The following LRP2 variants were observed in gnomAD, a reference collection of about 807,000 sequenced individuals.
The protein encoded by LRP2 is low-density lipoprotein receptor-related protein 2.
Under a neutral mutation model 531.0 loss-of-function variants are expected in LRP2, and 172 were observed. The observed-to-expected ratio is 0.32, with a 90% CI of 0.29 to 0.37. The LOEUF is 0.37. Among genes scored for constraint, LRP2 ranks in the 10% least tolerant of loss-of-function variants. LRP2 has a pLI of 1.00. For synonymous variants in LRP2, 1,992 were observed against 2,027.6 expected (o/e 0.98, Z 0.47); for missense variants, 5,167 against 5,868.3 (o/e 0.88, Z 3.90).
intron 65 of LRP2, among the ~76,000 whole-genome samples, chr2:169,155,038 A>G (rs550040084): frequency 6.6e-6 from 1 of 152,284 alleles, no homozygotes; most frequent in East Asian, 1.9e-4. Context: ...CTGTTTCCTG[A>G]CAGATTTTAT....
intron 1 of LRP2, among the ~76,000 whole-genome samples, chr2:169,354,382 A>T (rs1355108606): frequency 2.6e-5 from 4 of 152,230 alleles, no homozygotes; most frequent in Non-Finnish European, 5.9e-5. Context: ...CAAGATCTGG[A>T]CAATAAATGC....
At chr2:169,291,991 C>A (rs1370027038) in intron 7 of LRP2, among the ~76,000 whole-genome samples, 1 of 152,156 alleles carries the variant, frequency 6.6e-6, no homozygotes, top group African/African-American at 2.4e-5. Flanking sequence ...GAGACAGAGA[C>A]TGTCCTACCT....
At chr2:169,345,128 A>C (rs1685663812) in intron 1 of LRP2, among the ~76,000 whole-genome samples, 1 of 152,200 alleles carries the variant, frequency 6.6e-6, no homozygotes, top group South Asian at 2.1e-4. Flanking sequence ...TCTTCTTTGA[A>C]AACATCAACT....
intron 68 of LRP2, among the ~76,000 whole-genome samples, chr2:169,150,178 G>A (rs984723360): frequency 2.6e-5 from 4 of 152,124 alleles, no homozygotes; most frequent in African/African-American, 9.7e-5. Context: ...CAGCTCATAG[G>A]GTTCTACCTA....
intron 1 of LRP2, among the ~76,000 whole-genome samples, chr2:169,333,819 A>G (rs1345270957): frequency 6.6e-6 from 1 of 152,216 alleles, no homozygotes; most frequent in Non-Finnish European, 1.5e-5. Flanking sequence ...TCTTTGCACC[A>G]GGAGTCCTTT....
chr2:169,335,552 T>A (rs1008809025), intron 1 of LRP2, among the ~76,000 whole-genome samples: 20 of 152,160 alleles, frequency 1.3e-4, no homozygotes, highest in Admixed American at 2.6e-4. Context: ...CAGTAGCCCA[T>A]GCCTGTAACC....
intron 10 of LRP2, 99 bp from the exon 11 acceptor site, chr2:169,280,618 T>C: frequency 1.7e-6 from 2 of 1,187,616 alleles, no homozygotes; most frequent in African/African-American, 1.5e-5. Flanking sequence ...AAATGCTATC[T>C]TCTAGGTTGT....
chr2:169,359,704 T>C (rs1406595328), intron 1 of LRP2, among the ~76,000 whole-genome samples: 1 of 152,138 alleles, frequency 6.6e-6, no homozygotes, highest in Non-Finnish European at 1.5e-5. Context: ...GAGGAGAGAT[T>C]CTGGAAAAAG....
At chr2:169,226,647 G>C in intron 31 of LRP2, 59 bp from the exon 32 acceptor site, 1 of 1,308,388 alleles carries the variant, frequency 7.6e-7, no homozygotes, top group South Asian at 1.2e-5. Flanking sequence ...GACATTTAGA[G>C]TAATGGAAGG....
chr2:169,300,279 C>G (rs890341178), intron 4 of LRP2, among the ~76,000 whole-genome samples: 1 of 151,824 alleles, frequency 6.6e-6, no homozygotes, highest in Admixed American at 6.6e-5. Flanking sequence ...AAAAATAGAG[C>G]TGGGTAAAAG....
chr2:169,313,603 C>T (rs970367135), intron 3 of LRP2, among the ~76,000 whole-genome samples: 4 of 152,138 alleles, frequency 2.6e-5, no homozygotes, highest in Non-Finnish European at 4.4e-5. Context: ...TGGCCGTATC[C>T]GGTGTCAGTC....
chr2:169,226,581 T>A lies in LRP2; in HGVS notation c.5235A>T (p.Gln1745His). 2.5e-6 allele frequency: 4 copies of A among 1,610,148 alleles called. No homozygotes were observed. Among genetic ancestry groups the A allele is most frequent in the Non-Finnish European group, 3.4e-6 (4 of 1,176,774 alleles). Residue 1745 changes from glutamine to histidine, a missense_variant, in exon 32 of 79, where the codon CAA (glutamine) becomes CAT (histidine). Transcript: ENST00000649046. Reference sequence around the variant, plus strand: ...GTTGCCTTACAGTTATTAAGAAAGGTTGATCATCTGTGAAAATAGAAGAAT... The same window carrying A: ...GTTGCCTTACAGTTATTAAGAAAGGATGATCATCTGTGAAAATAGAAGAAT... ...PDLLNCLRDDQPFLITVRQHI... is the reference protein window; with the variant it reads ...PDLLNCLRDDHPFLITVRQHI...
At chr2:169,276,528 C>T (rs1399368703) in intron 13 of LRP2, among the ~76,000 whole-genome samples, 2 of 151,986 alleles carry the variant, frequency 1.3e-5, no homozygotes, top group African/African-American at 2.4e-5. Flanking sequence ...TATTCATATT[C>T]TCCTTATGGA....
At chr2:169,341,345 A>G (rs72880453) in intron 1 of LRP2, among the ~76,000 whole-genome samples, 1,681 of 152,232 alleles carry the variant, frequency 0.011, 14 homozygotes, top group South Asian at 0.022. Context: ...AATTAAAATA[A>G]ATTTGCAAGA....
chr2:169,180,823 T>C (rs1687401920), intron 52 of LRP2, among the ~76,000 whole-genome samples: 1 of 152,214 alleles, frequency 6.6e-6, no homozygotes, highest in Admixed American at 6.5e-5. Flanking sequence ...CAAAATTCAA[T>C]ATGGGTATTG....
At chr2:169,269,728 T>C (rs1257759143) in intron 16 of LRP2, among the ~76,000 whole-genome samples, 2 of 152,128 alleles carry the variant, frequency 1.3e-5, no homozygotes, top group African/African-American at 4.8e-5. Context: ...CCAAAAGCAA[T>C]GGCAACAAAA....
intron 27 of LRP2, 146 bp downstream of exon 27, chr2:169,237,945 C>T (rs552185451): frequency 8.9e-5 from 65 of 728,840 alleles, no homozygotes; most frequent in Non-Finnish European, 1.5e-4. Flanking sequence ...GTTATGAACA[C>T]GCAAGTCTCT....
intron 33 of LRP2, among the ~76,000 whole-genome samples, chr2:169,221,246 T>C (rs758734354): frequency 6.6e-6 from 1 of 152,188 alleles, no homozygotes; most frequent in Non-Finnish European, 1.5e-5. Context: ...ACTTCTATTG[T>C]TTAATTGGTC....
intron 35 of LRP2, among the ~76,000 whole-genome samples, chr2:169,214,948 A>G (rs1169396513): frequency 6.6e-6 from 1 of 152,164 alleles, no homozygotes; most frequent in Non-Finnish European, 1.5e-5. Context: ...TGATTAAACC[A>G]GGAGAGTGAA....
Sources: gnomAD v4.1 joint callset for allele counts (sites outside exome capture counted in the v4.1 genomes callset) on GRCh38, gnomAD v4.1.1 for gene constraint, MANE v1.5 for transcripts, NCBI Gene and HGNC (gene_info 2026-07-23, HGNC 2026-07-21) for gene names.